Variants in FRY observed in about 807,000 individuals in gnomAD.
FRY encodes the protein protein furry homolog.
Under a neutral mutation model 348.4 loss-of-function variants are expected in FRY, and 128 were observed. That is an observed-to-expected ratio of 0.37 (90% confidence interval 0.32 to 0.43). The LOEUF is 0.43. FRY is among the 20% of genes least tolerant of loss of function. The pLI is 1.00. For synonymous variants in FRY, 1,370 were observed against 1,374.7 expected, an observed-to-expected ratio of 1.00 and a Z score of 0.08; for missense variants, 2,736 against 3,695.2, an observed-to-expected ratio of 0.74 and a Z score of 6.73.
chr13:32,037,165 A>G (rs1872557938), intron 1 of FRY, among the ~76,000 whole-genome samples: 1 of 152,218 alleles, frequency 6.6e-6, no homozygotes, highest in African/African-American at 2.4e-5. Flanking sequence ...ATACATAGAC[A>G]GTTCTGTGCC....
chr13:32,208,079 T>C (rs918660466), intron 31 of FRY, among the ~76,000 whole-genome samples: 2 of 152,208 alleles, frequency 1.3e-5, no homozygotes, highest in African/African-American at 4.8e-5. Context: ...GAGAAAGTAA[T>C]GGTGAAATAA....
intron 34 of FRY, among the ~76,000 whole-genome samples, chr13:32,211,367 G>A (rs949896663): frequency 6.6e-6 from 1 of 152,194 alleles, no homozygotes; most frequent in African/African-American, 2.4e-5. Context: ...GCTGCAGGAG[G>A]AGAATCACTT....
chr13:32,289,757 C>T lies in FRY; in HGVS notation c.8580+14C>T, dbSNP rs1483288149. 8 of 1,359,184 alleles carry T rather than the reference C, an allele frequency of 5.9e-6. No individual in the cohort carries two copies. Among genetic ancestry groups the T allele is most frequent in the Admixed American group, 5.0e-5 (3 of 59,716 alleles). The allele number at this position is 1,359,184 out of a possible 1,614,324, so 84.2% of individuals were successfully genotyped here. A position where few individuals can be genotyped will look rare whatever the true frequency, so the allele number is the denominator to read the frequency against. On this transcript the variant is annotated intron_variant, in intron 59 of 60. Transcript: ENST00000542859. ...TCCATGCCAGAGGTGAGTCCACACG[C>T]TTCCCAACCCCACGTCCCACCACAA...
chr13:32,152,875 C>T (rs1391449427), intron 14 of FRY, among the ~76,000 whole-genome samples: 2 of 152,108 alleles, frequency 1.3e-5, no homozygotes, highest in South Asian at 2.1e-4. Context: ...CAAATGACTT[C>T]CATCTGAATA....
intron 8 of FRY, 83 bp from the exon 9 acceptor site, chr13:32,134,821 T>C (rs1007849058): frequency 7.2e-6 from 6 of 837,738 alleles, no homozygotes; most frequent in Non-Finnish European, 6.4e-6. Context: ...AATTAAGAGC[T>C]ACTTACTGAA....
chr13:32,149,058 G>C (rs1880636278), intron 13 of FRY, among the ~76,000 whole-genome samples: 1 of 147,790 alleles, frequency 6.8e-6, no homozygotes, highest in African/African-American at 2.5e-5. Flanking sequence ...TATACACACA[G>C]ATACCTGATA....
chr13:32,059,115 T>C (rs1873788803), intron 1 of FRY, among the ~76,000 whole-genome samples: 2 of 152,190 alleles, frequency 1.3e-5, no homozygotes, highest in African/African-American at 4.8e-5. Context: ...CTTCCTTTTC[T>C]ACCTTTTTTT....
chr13:32,190,340 G>A (rs145665959), intron 28 of FRY, among the ~76,000 whole-genome samples: 299 of 151,990 alleles, frequency 2.0e-3, no homozygotes, highest in African/African-American at 6.7e-3. Flanking sequence ...AGGAAAGAAG[G>A]GATTATAAAG....
At chr13:32,097,362 C>CTTTTTTTTTTTTTTT (rs34054013) in intron 2 of FRY, among the ~76,000 whole-genome samples, 1 of 126,494 alleles carries the variant, frequency 7.9e-6, no homozygotes. Context: ...CCTTTTTTTC[C>CTTTTTTTTTTTTTTT]TTTTTTTTTT....
At chr13:32,140,700 T>C (rs189073943) in intron 11 of FRY, among the ~76,000 whole-genome samples, 10 of 152,290 alleles carry the variant, frequency 6.6e-5, no homozygotes, top group South Asian at 4.1e-4. Flanking sequence ...ACAAGCAGGG[T>C]ATTTGATTTC....
At chr13:32,076,446 A>C (rs550149205) in intron 1 of FRY, among the ~76,000 whole-genome samples, 1 of 152,292 alleles carries the variant, frequency 6.6e-6, no homozygotes, top group South Asian at 2.1e-4. Context: ...CTACTTCCAC[A>C]AGGTGCCTGC....
rs536837399 is a variant in FRY, at chr13:32,189,893, C to A, written c.3591+2237C>A. ...TGAGATTGTCTCTAATACATAGATA[C>A]AAAACTTTAAATAAAATATTAGAAA... On this transcript the variant is annotated intron_variant, in intron 28 of 60. Transcript: ENST00000542859. 5.3e-5 allele frequency among the ~76,000 whole-genome samples: 8 copies of A among 151,802 alleles called. 1 individual carries two copies. Among genetic ancestry groups the A allele is most frequent in the Middle Eastern group, 3.4e-3 (1 of 292 alleles).
chr13:32,212,095 G>C (rs1369343394), intron 34 of FRY, among the ~76,000 whole-genome samples, 197 bp from the exon 35 acceptor site: 1 of 152,222 alleles, frequency 6.6e-6, no homozygotes, highest in Admixed American at 6.5e-5. Context: ...GACCATAACA[G>C]ATGTCTACGA....
At chr13:32,273,115 C>G (rs1021868854) in intron 55 of FRY, among the ~76,000 whole-genome samples, 2 of 151,906 alleles carry the variant, frequency 1.3e-5, no homozygotes, top group African/African-American at 4.8e-5. Flanking sequence ...GAGCAGTAAC[C>G]TTAGGAAGCA....
intron 35 of FRY, among the ~76,000 whole-genome samples, chr13:32,218,492 A>G (rs1450904549): frequency 2.6e-5 from 4 of 152,152 alleles, no homozygotes; most frequent in Non-Finnish European, 4.4e-5. Context: ...CAGCCTGGCT[A>G]ACATGGTGAA....
chr13:32,182,927 G>A, intron 23 of FRY, 50 bp from the exon 24 acceptor site: 1 of 1,170,948 alleles, frequency 8.5e-7, no homozygotes, highest in Non-Finnish European at 1.3e-6. Context: ...TTAGTGACAA[G>A]TTTGGTGTCA....
chr13:32,077,152 A>G (rs531353280), intron 1 of FRY, among the ~76,000 whole-genome samples: 1 of 152,328 alleles, frequency 6.6e-6, no homozygotes, highest in East Asian at 1.9e-4. Context: ...CAATGAGGGC[A>G]TCAGCAGGAC....
intron 17 of FRY, among the ~76,000 whole-genome samples, chr13:32,167,662 T>G (rs1442607506): frequency 6.6e-6 from 1 of 152,218 alleles, no homozygotes; most frequent in Non-Finnish European, 1.5e-5. Context: ...ACACTGTCAT[T>G]ACTATCAGTT....
intron 39 of FRY, 91 bp downstream of exon 39, chr13:32,226,065 C>T: frequency 9.3e-7 from 1 of 1,076,448 alleles, no homozygotes; most frequent in East Asian, 2.4e-5. Context: ...GTTAACTTCT[C>T]TCATGCTATG....
Sources: gnomAD v4.1 joint callset for allele counts (sites outside exome capture counted in the v4.1 genomes callset) on GRCh38, gnomAD v4.1.1 for gene constraint, MANE v1.5 for transcripts, NCBI Gene and HGNC (gene_info 2026-07-23, HGNC 2026-07-21) for gene names.